POMZP3: variants seen among roughly 807,000 people sequenced by gnomAD.
The protein encoded by POMZP3 is POM121 and ZP3 fusion.
POMZP3 carries 10 observed loss-of-function variants against 19.8 expected under a neutral mutation model. The ratio of observed to expected loss-of-function variants is 0.51; its 90% CI spans 0.31 to 0.86. The LOEUF is 0.86. Among genes scored for constraint, POMZP3 ranks in the 40% least tolerant of loss-of-function variants. The probability of loss-of-function intolerance (pLI) is 0.04; values close to 1 mark genes in which losing one functional copy is unlikely to be tolerated. For missense variants in POMZP3, 152 were observed against 228.1 expected, an observed-to-expected ratio of 0.67 and a Z score of 2.15; for synonymous variants, 57 against 85.8, an observed-to-expected ratio of 0.66 and a Z score of 1.85.
rs374205739 is a variant in POMZP3, at chr7:76,611,830, C to G, written c.346-17G>C. On this transcript the variant is annotated splice_polypyrimidine_tract_variant and intron_variant, in intron 4 of 6. Coordinates refer to ENST00000310842, the MANE Select transcript of POMZP3 (RefSeq NM_012230.5). ...GATGTATATCTGCAAGGAATAACAG[C>G]TATTTCCAGGCCGAGTTCCAGGCTG... 23 of 1,548,856 alleles carry G rather than the reference C, an allele frequency of 1.5e-5. No homozygotes were observed. Among genetic ancestry groups the G allele is most frequent in the Non-Finnish European group, 2.0e-5 (23 of 1,132,008 alleles).
At chr7:76,622,360 A>C (rs1584352228) in intron 3 of POMZP3, among the ~76,000 whole-genome samples, 2 of 131,756 alleles carry the variant, frequency 1.5e-5, no homozygotes, top group Admixed American at 7.9e-5. Context: ...TTCCTGTAAC[A>C]CTATCATTCT....
intron 2 of POMZP3, 147 bp downstream of exon 2, chr7:76,625,853 C>T: frequency 2.2e-6 from 3 of 1,355,422 alleles, no homozygotes; most frequent in South Asian, 1.4e-5. Flanking sequence ...GAAAAACAAA[C>T]GGTTTTACTA....
At chr7:76,626,404 A>T (rs1442920504) in intron 1 of POMZP3, 189 bp from the exon 2 acceptor site, 2 of 618,204 alleles carry the variant, frequency 3.2e-6, no homozygotes, top group East Asian at 5.5e-5. Context: ...CAGCTGCTTA[A>T]CAGCTGTCTC....
At chr7:76,624,199 C>G (rs1216768563) in intron 3 of POMZP3, among the ~76,000 whole-genome samples, 1 of 136,198 alleles carries the variant, frequency 7.3e-6, no homozygotes, top group Non-Finnish European at 1.6e-5. Flanking sequence ...GAAGATTAAT[C>G]TCATGAAAGG....
chr7:76,626,950 C>T lies in POMZP3; in HGVS notation c.-394G>A, dbSNP rs1815941326. 1 of 1,409,074 alleles carries T rather than the reference C, an allele frequency of 7.1e-7. No homozygotes were observed. Among genetic ancestry groups the T allele is most frequent in the African/African-American group, 1.5e-5 (1 of 65,952 alleles). 87.3% of individuals were successfully genotyped at this position (1,409,074 alleles called of 1,614,324 possible). On this transcript the variant is annotated 5_prime_UTR_variant, in exon 1 of 7. Transcript: ENST00000310842. ...AGGGTCAGGTCCTTCGAGCAGGGTC[C>T]GCGGCTCTAGGAGGTTTCCGTTGGC...
Position 76,626,210 on chromosome 7 carries a change from C to A in POMZP3, c.-146G>T, listed in dbSNP as rs199861564. On this transcript the variant is annotated 5_prime_UTR_variant, in exon 2 of 7. Transcript: ENST00000310842. ...TACAAACCGATCTGGTAAAGTCCCACGATCCCTGCAGAGAATGCGAGACAA... is the reference window on the plus strand; with the variant it reads ...TACAAACCGATCTGGTAAAGTCCCAAGATCCCTGCAGAGAATGCGAGACAA... The A allele has an allele frequency of 2.6e-6, 4 of 1,554,296 alleles. No individual in the cohort carries two copies. Among genetic ancestry groups the A allele is most frequent in the Non-Finnish European group, 3.5e-6 (4 of 1,147,340 alleles).
Position 76,627,206 on chromosome 7 carries a change from G to C in POMZP3, c.-650C>G, listed in dbSNP as rs558389190. The C allele has an allele frequency of 1.3e-3, 1,824 of 1,434,620 alleles. 138 individuals are homozygous for C. In the African/African-American group the frequency reaches 0.022, roughly 17 times the overall value. 88.9% of individuals were successfully genotyped at this position (1,434,620 alleles called of 1,614,324 possible). Reference sequence around the variant, plus strand: ...CCGGCCGGCCCTGACACTCGCTATCGGCCGCCGCCGCTCGCCTGCTCCAGC... The same window carrying C: ...CCGGCCGGCCCTGACACTCGCTATCCGCCGCCGCCGCTCGCCTGCTCCAGC... On this transcript the variant is annotated 5_prime_UTR_variant, in exon 1 of 7. Coordinates refer to ENST00000310842, the MANE Select transcript of POMZP3 (RefSeq NM_012230.5).
Position 76,625,370 on chromosome 7 carries a change from C to T in POMZP3, c.227+152G>A, listed in dbSNP as rs1389715653. The stretch of plus-strand genomic sequence containing the variant: ...CTTGAAATGATCAGCATTAAAACCC[C>T]TGTTATTAGGTTCTTTCATGAAAGC... On this transcript the variant is annotated intron_variant, in intron 3 of 6. Coordinates refer to ENST00000310842, the MANE Select transcript of POMZP3 (RefSeq NM_012230.5). 91 of 1,244,124 alleles carry T rather than the reference C, an allele frequency of 7.3e-5. 1 individual carries two copies. In the African/African-American group the frequency reaches 1.2e-3, roughly 16 times the overall value. 77.1% of individuals were successfully genotyped at this position (1,244,124 alleles called of 1,614,324 possible).
intron 3 of POMZP3, among the ~76,000 whole-genome samples, chr7:76,624,837 C>T (rs551796485): frequency 6.6e-6 from 1 of 151,756 alleles, no homozygotes; most frequent in East Asian, 2.0e-4. Context: ...ACAATTAAGA[C>T]ACTAGAACTG....
chr7:76,619,446 C>G (rs1478634649), intron 3 of POMZP3, among the ~76,000 whole-genome samples: 2 of 151,146 alleles, frequency 1.3e-5, no homozygotes, highest in Non-Finnish European at 2.9e-5. Flanking sequence ...TATCCCCACT[C>G]CCCACAACAT....
Position 76,627,232 on chromosome 7 carries a change from C to T in POMZP3, c.-676G>A. 2.1e-6 allele frequency: 3 copies of T among 1,406,144 alleles called. 1 individual carries two copies. The highest frequency in any genetic ancestry group is 2.9e-5 in the African/African-American group (2 of 67,952). The allele number at this position is 1,406,144 out of a possible 1,614,324, so 87.1% of individuals were successfully genotyped here. On this transcript the variant is annotated 5_prime_UTR_variant, in exon 1 of 7. Transcript: ENST00000310842. The stretch of plus-strand genomic sequence containing the variant: ...GCCGCCGCCGCTCGCCTGCTCCAGC[C>T]GCCGCAGCCGCCGGAGACATCGCGG...
At chr7:76,623,808 A>G (rs140076603) in intron 3 of POMZP3, among the ~76,000 whole-genome samples, 2 of 152,084 alleles carry the variant, frequency 1.3e-5, no homozygotes, top group Non-Finnish European at 2.9e-5. Flanking sequence ...CCTCCAAAAA[A>G]AAAGAAAGAG....
intron 6 of POMZP3, among the ~76,000 whole-genome samples, chr7:76,611,062 T>A (rs76418829): frequency 0.34 from 45,622 of 134,514 alleles, 8,160 homozygotes; most frequent in Middle Eastern, 0.53. Flanking sequence ...TTAGTAGAGA[T>A]GGGGTTTCTC....
intron 4 of POMZP3, among the ~76,000 whole-genome samples, chr7:76,614,244 G>A (rs528697781): frequency 1.1e-5 from 1 of 89,772 alleles, no homozygotes; most frequent in African/African-American, 4.7e-5. Flanking sequence ...CCCCTATAGC[G>A]GCCTTTTAGA....
At chr7:76,620,851 C>A (rs1244574930) in intron 3 of POMZP3, among the ~76,000 whole-genome samples, 1 of 132,862 alleles carries the variant, frequency 7.5e-6, no homozygotes, top group South Asian at 2.5e-4. Flanking sequence ...CTCCTCAGGG[C>A]TGTAAAGCCA....
Position 76,619,530 on chromosome 7 carries a change from G to A in POMZP3, c.228-1230C>T, listed in dbSNP as rs1294018642. 1.2e-4 allele frequency among the ~76,000 whole-genome samples: 18 copies of A among 151,072 alleles called. No individual in the cohort carries two copies. The East Asian group carries it at 3.1e-3, about 26-fold the overall frequency. On this transcript the variant is annotated intron_variant, in intron 3 of 6. Transcript: ENST00000310842. ...CCTAAGGGGCAGTGGCAGGAGCAGCGGCAGGAAATATTCCTGGCAGGGGTT... is the reference window on the plus strand; with the variant it reads ...CCTAAGGGGCAGTGGCAGGAGCAGCAGCAGGAAATATTCCTGGCAGGGGTT...
In POMZP3 at chr7:76,625,667, T is replaced by C; in HGVS notation, c.82A>G (p.Ser28Gly). ...SRSAIPEQII[S>G]STLSSPSSNA... ...CTTGATGGTGAGGACAGTGTTGAGC[T>C]GATTATCTGCTCTGGTCTATAATGA... Residue 28 changes from serine (S) to glycine (G), a missense_variant, in exon 3 of 7, where the codon AGC becomes GGC. Coordinates refer to ENST00000310842, the MANE Select transcript of POMZP3 (RefSeq NM_012230.5). 1 of 1,613,828 alleles carries C rather than the reference T, an allele frequency of 6.2e-7. No homozygotes were observed. The highest frequency in any genetic ancestry group is 1.7e-5 in the Admixed American group (1 of 59,996).
chr7:76,622,872 C>A (rs1467728986), intron 3 of POMZP3, among the ~76,000 whole-genome samples: 2 of 147,350 alleles, frequency 1.4e-5, no homozygotes, highest in Non-Finnish European at 3.0e-5. Context: ...ATCTAAATTC[C>A]TTTTTTTTTT....
Position 76,626,922 on chromosome 7 carries a change from G to A in POMZP3, c.-366C>T, listed in dbSNP as rs1008120432. ...GGTAACTGCCCATGAGGAGCAGTTC[G>A]GCAGGGTCAGGTCCTTCGAGCAGGG... On this transcript the variant is annotated 5_prime_UTR_variant, in exon 1 of 7. Coordinates refer to ENST00000310842, the MANE Select transcript of POMZP3 (RefSeq NM_012230.5). The A allele has an allele frequency of 2.2e-6, 3 of 1,394,280 alleles. No homozygotes were observed. Among genetic ancestry groups the A allele is most frequent in the East Asian group, 2.7e-5 (1 of 36,994 alleles). 86.4% of individuals were successfully genotyped at this position (1,394,280 alleles called of 1,614,324 possible).
Sources: allele counts gnomAD v4.1 joint callset (sites outside exome capture counted in the v4.1 genomes callset), GRCh38; gene constraint gnomAD v4.1.1; transcripts MANE v1.5; gene names NCBI Gene and HGNC (gene_info 2026-07-23, HGNC 2026-07-21).